The following REV3L variants were observed in gnomAD, a reference collection of about 807,000 sequenced individuals.
The protein encoded by REV3L is DNA polymerase zeta catalytic subunit.
REV3L carries 69 observed loss-of-function variants against 299.4 expected under a neutral mutation model. The ratio of observed to expected loss-of-function variants is 0.23; its 90% CI spans 0.19 to 0.28. The LOEUF (loss-of-function observed/expected upper bound fraction) is 0.28. Among genes scored for constraint, REV3L ranks in the 10% least tolerant of loss-of-function variants. The pLI is 1.00. For synonymous variants in REV3L, 1,238 were observed against 1,271.4 expected, an observed-to-expected ratio of 0.97 and a Z score of 0.56; for missense variants, 3,128 against 3,693.8, an observed-to-expected ratio of 0.85 and a Z score of 3.97.
chr6:111,320,028 G>A (rs938242823), intron 26 of REV3L, among the ~76,000 whole-genome samples: 3 of 150,522 alleles, frequency 2.0e-5, no homozygotes, highest in South Asian at 2.1e-4. Context: ...CACCTGCCTC[G>A]GCCTCCCAAA....
chr6:111,368,792 C>T (rs1779479859), intron 13 of REV3L, among the ~76,000 whole-genome samples: 3 of 152,188 alleles, frequency 2.0e-5, no homozygotes. Context: ...AATAATTCTA[C>T]TTCTTCATGT....
chr6:111,405,737 A>G, intron 3 of REV3L, 107 bp from the exon 4 acceptor site: 1 of 664,032 alleles, frequency 1.5e-6, no homozygotes, highest in Non-Finnish European at 2.4e-6. Context: ...AGCACACAAA[A>G]TTTCCATCTC....
chr6:111,479,498 TC>T (rs1048803841), intron 1 of REV3L, among the ~76,000 whole-genome samples: 6 of 142,776 alleles, frequency 4.2e-5, no homozygotes, highest in South Asian at 2.3e-4. Context: ...AATCTGAATA[TC>T]CCCCCCCGCC....
chr6:111,378,768 C>G (rs1780552510), intron 11 of REV3L, among the ~76,000 whole-genome samples: 1 of 152,134 alleles, frequency 6.6e-6, no homozygotes, highest in Non-Finnish European at 1.5e-5. Flanking sequence ...ATGTCATTTT[C>G]CACATGATAA....
intron 26 of REV3L, among the ~76,000 whole-genome samples, chr6:111,317,142 G>A (rs1375539937): frequency 1.3e-5 from 2 of 151,968 alleles, no homozygotes; most frequent in Non-Finnish European, 2.9e-5. Context: ...CTTTTTTCTA[G>A]CCATATAAAC....
chr6:111,329,869 T>C (rs1775214067), intron 24 of REV3L, 131 bp from the exon 25 acceptor site: 1 of 669,966 alleles, frequency 1.5e-6, no homozygotes, highest in Non-Finnish European at 2.5e-6. Context: ...GTGACCATAG[T>C]ATTAGTGGCC....
intron 1 of REV3L, among the ~76,000 whole-genome samples, chr6:111,448,340 T>TC (rs748497140): frequency 1.3e-3 from 194 of 150,218 alleles, no homozygotes; most frequent in South Asian, 5.0e-3. Context: ...TTCTTTTTTT[T>TC]CTTTTCTTTT....
intron 1 of REV3L, chr6:111,430,796 T>C (rs1786816141): frequency 1.9e-6 from 3 of 1,607,894 alleles, no homozygotes; most frequent in Non-Finnish European, 2.6e-6. Flanking sequence ...CGTGAAGGAA[T>C]CTGGAGGAAA....
In REV3L at chr6:111,304,058, T is replaced by C. The variant is rs9487614; in HGVS notation, c.9252+3303A>G. 5.5e-3 allele frequency among the ~76,000 whole-genome samples: 841 copies of C among 151,954 alleles called. 10 individuals carry two copies. The highest frequency in any genetic ancestry group is 0.019 in the African/African-American group (804 of 41,456). On this transcript the variant is annotated intron_variant, in intron 31 of 31. Coordinates refer to ENST00000368802, the MANE Select transcript of REV3L (RefSeq NM_001372078.1). ...ACATTCTAGAAACACTTAAGAAGTATATTTTTTGGTACTGGGTTACAGAGT... is the reference window on the plus strand; with the variant it reads ...ACATTCTAGAAACACTTAAGAAGTACATTTTTTGGTACTGGGTTACAGAGT...
intron 1 of REV3L, among the ~76,000 whole-genome samples, chr6:111,422,682 A>ATATATATATACATATATATATATATACG (rs1785694957): frequency 1.1e-5 from 1 of 91,764 alleles, no homozygotes; most frequent in African/African-American, 3.1e-5. Context: ...ATATATACGT[A>ATATATATATACATATATATATATATACG]TATATATATA....
At chr6:111,312,837 C>G (rs188775700) in intron 28 of REV3L, 1 of 152,488 alleles carries the variant, frequency 6.6e-6, no homozygotes, top group Non-Finnish European at 1.5e-5. Flanking sequence ...GGATTACAGG[C>G]GTGAGCCACC....
rs748851926 is a variant in REV3L, at chr6:111,377,850, A to T, written c.1455-7T>A. ...GGTATTTCTGCACAGTGATCTGGAG[A>T]ACATTAAAATTCACTGGTGAGCATG... On this transcript the variant is annotated splice_region_variant and splice_polypyrimidine_tract_variant and intron_variant, in intron 11 of 31. Transcript: ENST00000368802. 47 of 1,603,550 alleles carry T rather than the reference A, an allele frequency of 2.9e-5. No homozygotes were observed. The highest frequency in any genetic ancestry group is 7.9e-5 in the South Asian group (7 of 88,708).
chr6:111,332,771 A>AG (rs1278387721), intron 23 of REV3L, among the ~76,000 whole-genome samples: 2 of 152,238 alleles, frequency 1.3e-5, no homozygotes, highest in African/African-American at 4.8e-5. Flanking sequence ...GAGGAGGTCT[A>AG]GTTGAAGTTA....
At chr6:111,306,411 CAGGT>C (rs1463099648) in intron 31 of REV3L, among the ~76,000 whole-genome samples, 1 of 152,028 alleles carries the variant, frequency 6.6e-6, no homozygotes, top group Non-Finnish European at 1.5e-5. Flanking sequence ...AGAGGGATAG[CAGGT>C]AGGGACAGAA....
intron 24 of REV3L, chr6:111,330,234 AGT>A (rs538782029): frequency 6.8e-6 from 3 of 444,352 alleles, no homozygotes; most frequent in Non-Finnish European, 1.4e-5. Context: ...TCAAACCTGC[AGT>A]TCCAGGGACT....
intron 21 of REV3L, among the ~76,000 whole-genome samples, chr6:111,341,331 A>G (rs994569290): frequency 6.6e-6 from 1 of 152,178 alleles, no homozygotes; most frequent in Non-Finnish European, 1.5e-5. Context: ...TACAGGCGTG[A>G]GCCACTGCAC....
chr6:111,376,706 G>A lies in REV3L; in HGVS notation c.1649C>T (p.Thr550Ile). Residue 550 changes from threonine to isoleucine, a missense_variant, in exon 13 of 32, where the codon ACA becomes ATA. By Grantham distance (89) the Thr-to-Ile change is moderately conservative. Coordinates refer to ENST00000368802, the MANE Select transcript of REV3L (RefSeq NM_001372078.1). ...GGAGGGTTTAACTGAAAGCTTGCTT[G>A]TTGCAATTACAGAAGAGTGGGTTCT... The part of the protein sequence containing the change: ...NSRTHSSVIA[T>I]SKLSVKPSIF... 2 of 1,604,060 alleles carry A rather than the reference G, an allele frequency of 1.2e-6. No individual in the cohort carries two copies. Among genetic ancestry groups the A allele is most frequent in the Non-Finnish European group, 1.7e-6 (2 of 1,179,042 alleles).
intron 13 of REV3L, among the ~76,000 whole-genome samples, chr6:111,369,747 A>G (rs760982700): frequency 1.3e-4 from 20 of 152,202 alleles, no homozygotes; most frequent in Non-Finnish European, 2.5e-4. Context: ...ATACACATCA[A>G]AATATTATGG....
intron 9 of REV3L, among the ~76,000 whole-genome samples, chr6:111,382,729 G>A (rs964979758): frequency 1.3e-5 from 2 of 152,156 alleles, no homozygotes; most frequent in African/African-American, 4.8e-5. Context: ...GTAGACTTGG[G>A]GTACACGCGC....
Sources: gnomAD v4.1 joint callset for allele counts (sites outside exome capture counted in the v4.1 genomes callset) on GRCh38, gnomAD v4.1.1 for gene constraint, MANE v1.5 for transcripts, NCBI Gene and HGNC (gene_info 2026-07-23, HGNC 2026-07-21) for gene names.